The following TCHH variants were observed in gnomAD, a reference collection of about 807,000 sequenced individuals.
The protein encoded by TCHH is trichohyalin.
Under a neutral mutation model 6.3 loss-of-function variants are expected in TCHH, and 6 were observed. The ratio of observed to expected loss-of-function variants is 0.95; its 90% CI spans 0.52 to 1.88. The LOEUF (loss-of-function observed/expected upper bound fraction) is 1.88, where lower values mean the gene tolerates loss of function less well. Ranked by LOEUF, TCHH falls within the 40% of genes most tolerant of loss-of-function variation. The pLI is 0.01. For synonymous variants in TCHH, 1,087 were observed against 963.6 expected (o/e 1.13, Z -2.37); for missense variants, 2,920 against 2,449.1 (o/e 1.19, Z -4.06).
chr1:152,111,453 C>T lies in TCHH; in HGVS notation c.1764G>A (p.Gln588=). The T allele has an allele frequency of 2.5e-6, 4 of 1,610,546 alleles. No homozygotes were observed. The highest frequency in any genetic ancestry group is 3.4e-6 in the Non-Finnish European group (4 of 1,178,978). Residue 588 remains glutamine (Q), a synonymous_variant, in exon 3 of 3, where the codon CAG becomes CAA. Transcript: ENST00000614923. The part of the protein sequence containing the change: ...LLKREEERRQ[Q]RLKREQEERL... ...TCTCTTCCTGCTCGCGCTTCAGCCG[C>T]TGCTGGCGCCTCTCCTCCTCGCGCT...
At position 152,111,546 on chromosome 1, in the gene TCHH, C is replaced by A. The variant is rs888337173; in HGVS notation, c.1671G>T (p.Arg557Ser). 6.3e-7 allele frequency: 1 copy of A among 1,587,358 alleles called. No homozygotes were observed. The highest frequency in any genetic ancestry group is 1.4e-5 in the African/African-American group (1 of 70,484). The change falls in exon 3 of 3, where the codon AGG becomes AGT. Residue 557 changes from arginine (R) to serine (S), a missense_variant. Transcript: ENST00000614923. The stretch of plus-strand genomic sequence containing the variant: ...GCTGCTCTCGCCTCTCCTGCTCGAG[C>A]CTCTTCTCCTCCTCGCGCTTCAGCA... The part of the protein sequence containing the change: ...EQLLKREEEK[R>S]LEQERREQRL...
At position 152,114,052 on chromosome 1, in the gene TCHH, T is replaced by C. The variant is rs778213194; in HGVS notation, c.29A>G (p.Asp10Gly). Residue 10 changes from aspartate to glycine, a missense_variant, in exon 2 of 3, where the codon GAC (aspartate) becomes GGC (glycine). Coordinates refer to ENST00000614923, the MANE Select transcript of TCHH (RefSeq NM_007113.4). ...ATACTGATTGAAAATTTCAGTGATGTCACAGATGCTTCTCAGAAGTGGAGA... is the reference window on the plus strand; with the variant it reads ...ATACTGATTGAAAATTTCAGTGATGCCACAGATGCTTCTCAGAAGTGGAGA... MSPLLRSICDITEIFNQYVS... is the reference protein window; with the variant it reads MSPLLRSICGITEIFNQYVS... 4 of 1,613,178 alleles carry C rather than the reference T, an allele frequency of 2.5e-6. 1 individual carries two copies. In the Admixed American group the frequency reaches 6.7e-5, roughly 27 times the overall value.
chr1:152,109,663 C>T lies in TCHH; in HGVS notation c.3554G>A (p.Arg1185Lys). 1 of 1,608,588 alleles carries T rather than the reference C, an allele frequency of 6.2e-7. No individual in the cohort carries two copies. The highest frequency in any genetic ancestry group is 8.5e-7 in the Non-Finnish European group (1 of 1,177,090). The change falls in exon 3 of 3, where the codon AGA (arginine) becomes AAA (lysine). Residue 1185 changes from arginine to lysine, a missense_variant. By Grantham distance (26) the Arg-to-Lys change is conservative. Coordinates refer to ENST00000614923, the MANE Select transcript of TCHH (RefSeq NM_007113.4). Reference protein sequence around the residue: ...ELQQEEEQLLREEQEKRRQER... With the variant: ...ELQQEEEQLLKEEQEKRRQER... ...CTGGCGCCTTTTCTCCTGTTCCTCT[C>T]TCAGCAGCTGCTCTTCCTCCTGCTG...
At chr1:152,113,153 A>G (rs1476591400) in intron 2 of TCHH, 75 bp from the exon 3 acceptor site, 18 of 1,335,040 alleles carry the variant, frequency 1.3e-5, no homozygotes, top group Non-Finnish European at 1.7e-5. Context: ...CACATGATAT[A>G]TTTTATGCTA....
rs202089738 is a variant in TCHH at position 152,107,807 on chromosome 1, G to A, written c.5410C>T (p.Arg1804Cys). 1.2e-5 allele frequency: 19 copies of A among 1,613,610 alleles called. No individual in the cohort carries two copies. The African/African-American group carries it at 1.3e-4, about 11-fold the overall frequency. Reference sequence around the variant, plus strand: ...AGCTGCTGTTCTTCCCTCTCCTGGCGTAGCTGTTCCTCCTCGCGGAATTTT... The same window carrying A: ...AGCTGCTGTTCTTCCCTCTCCTGGCATAGCTGTTCCTCCTCGCGGAATTTT... ...DRKFREEEQL[R>C]QEREEQQLRP... The change falls in exon 3 of 3, where the codon CGC (arginine) becomes TGC (cysteine). Residue 1804 changes from arginine to cysteine, a missense_variant. Arg to Cys is a radical substitution (Grantham distance 180). Coordinates refer to ENST00000614923, the MANE Select transcript of TCHH (RefSeq NM_007113.4).
In TCHH at chr1:152,108,066, G is replaced by A; in HGVS notation, c.5151C>T (p.Arg1717=). The A allele has an allele frequency of 6.2e-7, 1 of 1,613,670 alleles. No homozygotes were observed. The highest frequency in any genetic ancestry group is 8.5e-7 in the Non-Finnish European group (1 of 1,179,910). The change falls in exon 3 of 3, where the codon CGC becomes CGT. Residue 1717 remains arginine (R), a synonymous_variant. Coordinates refer to ENST00000614923, the MANE Select transcript of TCHH (RefSeq NM_007113.4). ...RKFLQEEQQL[R]RQELERKFRE... is the part of the protein sequence containing the mutation. ...GGAATTTTCTCTCCAGTTCCTGGCG[G>A]CGCAGCTGCTGTTCCTCCTGGAGGA...
At position 152,109,451 on chromosome 1, in the gene TCHH, A is replaced by G. The variant is rs1398467406; in HGVS notation, c.3766T>C (p.Ser1256Pro). Residue 1256 changes from serine to proline, a missense_variant, in exon 3 of 3, where the codon TCC becomes CCC. By Grantham distance (74) the Ser-to-Pro change is moderately conservative (BLOSUM62 -1). Transcript: ENST00000614923. ...TGGGATTGTCTGTCGCGCAGCTGGG[A>G]ATCTTCCAACTGCCGGAACTGTTCA... ...ENEQFRQLEDSQLRDRQSQQD... is the reference protein window; with the variant it reads ...ENEQFRQLEDPQLRDRQSQQD... The G allele has an allele frequency of 6.2e-7, 1 of 1,614,220 alleles. No homozygotes were observed. The highest frequency in any genetic ancestry group is 8.5e-7 in the Non-Finnish European group (1 of 1,180,038).
intron 2 of TCHH, among the ~76,000 whole-genome samples, 168 bp from the exon 3 acceptor site, chr1:152,113,246 C>A (rs1572160780): frequency 6.6e-6 from 1 of 152,272 alleles, no homozygotes; most frequent in East Asian, 1.9e-4. Context: ...AATGTGAACC[C>A]TCACTTTAAA....
At position 152,108,416 on chromosome 1, in the gene TCHH, C is replaced by A. The variant is rs1425052494; in HGVS notation, c.4801G>T (p.Glu1601Ter). The part of the protein sequence containing the change: ...QEQERKFMED[E>*]QQLRRQEGQQ... ...CCCTCCTGGCGGCGCAGCTGCTGTT[C>A]GTCCTCCATGAATTTTCTCTCTTGT... The change falls in exon 3 of 3, where the codon GAA becomes TAA. Residue 1601 changes from glutamate (E) to a stop codon, truncating the protein, a stop_gained. Coordinates refer to ENST00000614923, the MANE Select transcript of TCHH (RefSeq NM_007113.4). LOFTEE classifies it low-confidence loss of function (END_TRUNC). 1.9e-6 allele frequency: 3 copies of A among 1,613,200 alleles called. No homozygotes were observed. Among genetic ancestry groups the A allele is most frequent in the Non-Finnish European group, 2.5e-6 (3 of 1,179,842 alleles).
In TCHH at chr1:152,109,835, G is replaced by T; in HGVS notation, c.3382C>A (p.Arg1128=). Reference sequence around the variant, plus strand: ...AGCTCCTGGCGCCTTCTCTTCTCCCGTTCCTCTCTCAGCAGCTGCTCTTCC... The same window carrying T: ...AGCTCCTGGCGCCTTCTCTTCTCCCTTTCCTCTCTCAGCAGCTGCTCTTCC... ...QEEEQLLREE[R]EKRRRQELER... Residue 1128 remains arginine, a synonymous_variant, in exon 3 of 3, where the codon CGG becomes AGG. Coordinates refer to ENST00000614923, the MANE Select transcript of TCHH (RefSeq NM_007113.4). 8 of 1,602,748 alleles carry T rather than the reference G, an allele frequency of 5.0e-6. No homozygotes were observed. Among genetic ancestry groups the T allele is most frequent in the African/African-American group, 1.4e-5 (1 of 70,846 alleles).
chr1:152,112,154 G>C lies in TCHH; in HGVS notation c.1063C>G (p.Gln355Glu). ...TGCTGCTCGCGCCTCTCCTCCTCCT[G>C]CTCGCGCCTCAGCTGCTGCTCGCGC... is the stretch of plus-strand genomic sequence containing the variant. ...ERREQQLRRE[Q>E]EEERREQQLR... The change falls in exon 3 of 3, where the codon CAG (glutamine) becomes GAG (glutamate). Residue 355 changes from glutamine to glutamate, a missense_variant. By Grantham distance (29) the Gln-to-Glu change is conservative (BLOSUM62 2). Transcript: ENST00000614923. 6.4e-7 allele frequency: 1 copy of C among 1,564,654 alleles called. No homozygotes were observed. The highest frequency in any genetic ancestry group is 8.6e-7 in the Non-Finnish European group (1 of 1,164,360).
At position 152,107,837 on chromosome 1, in the gene TCHH, C is replaced by T. The variant is rs1557807687; in HGVS notation, c.5380G>A (p.Asp1794Asn). The T allele has an allele frequency of 3.1e-6, 5 of 1,613,796 alleles. No individual in the cohort carries two copies. Among genetic ancestry groups the T allele is most frequent in the Non-Finnish European group, 4.2e-6 (5 of 1,179,914 alleles). The change falls in exon 3 of 3, where the codon GAC (aspartate) becomes AAC (asparagine). Residue 1794 changes from aspartate (D) to asparagine (N), a missense_variant. By Grantham distance (23) the Asp-to-Asn change is conservative (BLOSUM62 1). Transcript: ENST00000614923. ...EEQQLRSQES[D>N]RKFREEEQLR... ...TGTTCCTCCTCGCGGAATTTTCTGT[C>T]AGACTCTTGGCTGCGCAGCTGCTGT...
chr1:152,108,865 TC>T lies in TCHH; in HGVS notation c.4351del (p.Glu1451ArgfsTer122). 1 of 1,613,302 alleles carries T rather than the reference TC, an allele frequency of 6.2e-7. No homozygotes were observed. Among genetic ancestry groups the T allele is most frequent in the Non-Finnish European group, 8.5e-7 (1 of 1,179,798 alleles). On this transcript the variant is annotated frameshift_variant, in exon 3 of 3. Coordinates refer to ENST00000614923, the MANE Select transcript of TCHH (RefSeq NM_007113.4). LOFTEE classifies it low-confidence loss of function (END_TRUNC). The stretch of plus-strand genomic sequence containing the variant: ...ACGCTCCTGGCGCAGCTGCTGTTCC[TC>T]CTCCAGGAATTTTCTCTCTCGTTCC... Reference protein sequence around the residue: ...RQERERKFLEEEQQLRQERHR... With the variant: ...RQERERKFLEXEQQLRQERHR...
Position 152,109,743 on chromosome 1 carries a change from C to T in TCHH, c.3474G>A (p.Pro1158=), listed in dbSNP as rs368670364. The change falls in exon 3 of 3, where the codon CCG becomes CCA. Residue 1158 remains proline, a synonymous_variant. Coordinates refer to ENST00000614923, the MANE Select transcript of TCHH (RefSeq NM_007113.4). The part of the protein sequence containing the change: ...QEEEQLLREE[P]EKRRRQELER... ...CCAGCTCCTGGCGCCTTCTCTTCTCCGGTTCCTCTCTCAGCAGCTGCTCTT... is the reference window on the plus strand; with the variant it reads ...CCAGCTCCTGGCGCCTTCTCTTCTCTGGTTCCTCTCTCAGCAGCTGCTCTT... 34 of 1,606,436 alleles carry T rather than the reference C, an allele frequency of 2.1e-5. No homozygotes were observed. Among genetic ancestry groups the T allele is most frequent in the Non-Finnish European group, 2.6e-5 (30 of 1,176,250 alleles).
In TCHH at chr1:152,107,311, T is replaced by C; in HGVS notation, c.*74A>G. 1 of 1,383,330 alleles carries C rather than the reference T, an allele frequency of 7.2e-7. No individual in the cohort carries two copies. The highest frequency in any genetic ancestry group is 2.3e-5 in the Admixed American group (1 of 42,614). 85.7% of individuals were successfully genotyped at this position (1,383,330 alleles called of 1,614,324 possible). ...CCCACAACCAGAAACATCTGAGTTA[T>C]CACTTGGTACCCAGTGTTTCTCATT... On this transcript the variant is annotated 3_prime_UTR_variant, in exon 3 of 3. Transcript: ENST00000614923.
Position 152,108,919 on chromosome 1 carries a change from C to T in TCHH, c.4298G>A (p.Arg1433His), listed in dbSNP as rs780754132. 3 of 1,609,526 alleles carry T rather than the reference C, an allele frequency of 1.9e-6. No homozygotes were observed. The highest frequency in any genetic ancestry group is 1.1e-5 in the South Asian group (1 of 90,842). ...LSRQERDRKF[R>H]EEEQQVRRQE... Reference sequence around the variant, plus strand: ...GCGGCGCACCTGCTGTTCCTCTTCACGGAATTTTCTGTCACGCTCTTGGCG... The same window carrying T: ...GCGGCGCACCTGCTGTTCCTCTTCATGGAATTTTCTGTCACGCTCTTGGCG... Residue 1433 changes from arginine (R) to histidine (H), a missense_variant, in exon 3 of 3, where the codon CGT becomes CAT. Arg to His is a conservative substitution (Grantham distance 29, BLOSUM62 0). Coordinates refer to ENST00000614923, the MANE Select transcript of TCHH (RefSeq NM_007113.4).
intron 2 of TCHH, 70 bp from the exon 3 acceptor site, chr1:152,113,148 G>T: frequency 7.2e-7 from 1 of 1,380,234 alleles, no homozygotes; most frequent in Non-Finnish European, 9.8e-7. Flanking sequence ...ATTCACACAT[G>T]ATATATTTTA....
In TCHH at chr1:152,108,572, GCTGTTGCCCGCGCTCCTGGCGGCGCA is replaced by G. The variant is rs1658197572; in HGVS notation, c.4619_4644del (p.Leu1540ProfsTer6). 6.2e-7 allele frequency: 1 copy of G among 1,608,312 alleles called. No individual in the cohort carries two copies. The highest frequency in any genetic ancestry group is 1.4e-5 in the African/African-American group (1 of 73,568). On this transcript the variant is annotated frameshift_variant, in exon 3 of 3. Transcript: ENST00000614923. LOFTEE classifies it low-confidence loss of function (END_TRUNC). ...AATTTTCTGTCACGGTCCTGACGCC[GCTGTTGCCCGCGCTCCTGGCGGCGCA>G]GCTGCTGTTCCTCCTGGAGGAATTT...
In TCHH at chr1:152,108,891, C is replaced by T. The variant is rs1658213988; in HGVS notation, c.4326G>A (p.Gln1442=). 2 of 1,611,242 alleles carry T rather than the reference C, an allele frequency of 1.2e-6. No individual in the cohort carries two copies. Among genetic ancestry groups the T allele is most frequent in the Non-Finnish European group, 1.7e-6 (2 of 1,179,408 alleles). The change falls in exon 3 of 3, where the codon CAG becomes CAA. Residue 1442 remains glutamine, a synonymous_variant. Coordinates refer to ENST00000614923, the MANE Select transcript of TCHH (RefSeq NM_007113.4). ...CCTCCAGGAATTTTCTCTCTCGTTC[C>T]TGGCGGCGCACCTGCTGTTCCTCTT... ...FREEEQQVRR[Q]ERERKFLEEE...
Sources: gnomAD v4.1 joint callset for allele counts (sites outside exome capture counted in the v4.1 genomes callset) on GRCh38, gnomAD v4.1.1 for gene constraint, MANE v1.5 for transcripts, NCBI Gene and HGNC (gene_info 2026-07-23, HGNC 2026-07-21) for gene names.